The following RXFP1 variants were observed in gnomAD, a reference collection of about 807,000 sequenced individuals.
RXFP1 encodes relaxin family peptide receptor 1.
Under a neutral mutation model 89.8 loss-of-function variants are expected in RXFP1, and 73 were observed. The ratio of observed to expected loss-of-function variants is 0.81; its 90% CI spans 0.67 to 0.99. The LOEUF (loss-of-function observed/expected upper bound fraction) is 0.99, where lower values mean the gene tolerates loss of function less well. Ranked by LOEUF, RXFP1 falls within the 50% of genes least tolerant of loss-of-function variation. The pLI, the probability that RXFP1 is intolerant of heterozygous loss-of-function variation, is 0.00. For missense variants in RXFP1, 793 were observed against 895.5 expected, an observed-to-expected ratio of 0.89 and a Z score of 1.46; for synonymous variants, 277 against 305.5, an observed-to-expected ratio of 0.91 and a Z score of 0.97.
intron 2 of RXFP1, among the ~76,000 whole-genome samples, chr4:158,592,861 C>A (rs530076230): frequency 6.6e-6 from 1 of 151,508 alleles, no homozygotes; most frequent in Non-Finnish European, 1.5e-5. Flanking sequence ...GGGGCCGAGG[C>A]GGACAGATTT....
chr4:158,539,474 G>A (rs1180947560), intron 1 of RXFP1, among the ~76,000 whole-genome samples: 1 of 151,082 alleles, frequency 6.6e-6, no homozygotes, highest in African/African-American at 2.5e-5. Flanking sequence ...AAAACTTAAA[G>A]TATAATAATA....
chr4:158,601,720 G>A (rs897072375), intron 4 of RXFP1, among the ~76,000 whole-genome samples: 3 of 152,078 alleles, frequency 2.0e-5, no homozygotes, highest in Non-Finnish European at 4.4e-5. Flanking sequence ...ACTATTACAG[G>A]GAAATGTCAG....
At chr4:158,629,381 C>A (rs1767578885) in intron 11 of RXFP1, among the ~76,000 whole-genome samples, 1 of 152,118 alleles carries the variant, frequency 6.6e-6, no homozygotes. Context: ...GGAAATTAGA[C>A]ACTACTGTGG....
intron 9 of RXFP1, among the ~76,000 whole-genome samples, chr4:158,622,642 T>C (rs1273196692): frequency 1.3e-5 from 2 of 152,202 alleles, no homozygotes; most frequent in East Asian, 3.8e-4. Flanking sequence ...GTAATCTCAT[T>C]TATACGTGGA....
intron 6 of RXFP1, among the ~76,000 whole-genome samples, chr4:158,609,942 G>A (rs1763254694): frequency 6.6e-6 from 1 of 152,154 alleles, no homozygotes; most frequent in African/African-American, 2.4e-5. Context: ...TCTTTTCATA[G>A]CTTTTCTATA....
chr4:158,600,289 A>T (rs1226180377), intron 4 of RXFP1, among the ~76,000 whole-genome samples: 1 of 152,194 alleles, frequency 6.6e-6, no homozygotes, highest in African/African-American at 2.4e-5. Context: ...ACAGCAATTG[A>T]AATACTTGGT....
intron 2 of RXFP1, among the ~76,000 whole-genome samples, chr4:158,577,237 C>T (rs974791872): frequency 4.6e-5 from 7 of 152,102 alleles, no homozygotes; most frequent in Non-Finnish European, 7.4e-5. Flanking sequence ...TGGGGTTTCA[C>T]CATGTTAGCC....
intron 1 of RXFP1, among the ~76,000 whole-genome samples, chr4:158,527,404 G>A (rs1376765944): frequency 7.9e-5 from 12 of 151,320 alleles, no homozygotes; most frequent in Admixed American, 1.3e-4. Context: ...TTAGCCGGGC[G>A]TGGTGGTGGG....
At chr4:158,619,408 T>C (rs1366939333) in intron 9 of RXFP1, among the ~76,000 whole-genome samples, 1 of 152,188 alleles carries the variant, frequency 6.6e-6, no homozygotes, top group Admixed American at 6.5e-5. Context: ...GGGACATACA[T>C]ACTATTTCAC....
chr4:158,583,091 CTT>C (rs1757683549), intron 2 of RXFP1, among the ~76,000 whole-genome samples: 1 of 152,306 alleles, frequency 6.6e-6, no homozygotes, highest in East Asian at 1.9e-4. Flanking sequence ...AGAAGGAAAA[CTT>C]TGTTAATGCC....
At chr4:158,543,196 C>G (rs199746170) in intron 1 of RXFP1, among the ~76,000 whole-genome samples, 2 of 152,146 alleles carry the variant, frequency 1.3e-5, no homozygotes, top group East Asian at 3.9e-4. Context: ...CCCTGAGGCT[C>G]CTAGGTTCTT....
At chr4:158,585,042 T>C (rs1350691932) in intron 2 of RXFP1, among the ~76,000 whole-genome samples, 2 of 152,214 alleles carry the variant, frequency 1.3e-5, no homozygotes, top group African/African-American at 2.4e-5. Context: ...AAGAATTTGC[T>C]TTTCTTTCAA....
chr4:158,589,595 A>G (rs1173541350), intron 2 of RXFP1, among the ~76,000 whole-genome samples: 2 of 152,148 alleles, frequency 1.3e-5, no homozygotes, highest in Admixed American at 1.3e-4. Context: ...CTTCAAACAA[A>G]CTACAACTAA....
intron 16 of RXFP1, among the ~76,000 whole-genome samples, chr4:158,648,160 C>T (rs1056592885): frequency 3.9e-5 from 6 of 151,958 alleles, no homozygotes; most frequent in African/African-American, 1.5e-4. Context: ...AGTGACAGAG[C>T]AAGAACCCAT....
At chr4:158,598,295 G>A (rs1452280550) in intron 3 of RXFP1, among the ~76,000 whole-genome samples, 1 of 152,158 alleles carries the variant, frequency 6.6e-6, no homozygotes, top group Non-Finnish European at 1.5e-5. Flanking sequence ...CTTCTTTGAG[G>A]AAGTTGGTAG....
chr4:158,637,471 A>AT (rs1178864370), intron 12 of RXFP1, among the ~76,000 whole-genome samples: 2 of 152,134 alleles, frequency 1.3e-5, no homozygotes, highest in Admixed American at 1.3e-4. Flanking sequence ...TTCAGTTTGC[A>AT]TTTCTCTGAT....
intron 2 of RXFP1, among the ~76,000 whole-genome samples, chr4:158,584,055 C>G (rs1757848114): frequency 6.6e-6 from 1 of 152,166 alleles, no homozygotes; most frequent in African/African-American, 2.4e-5. Context: ...GGGTAATAAC[C>G]TCATTTTACT....
intron 17 of RXFP1, among the ~76,000 whole-genome samples, chr4:158,649,100 CAA>C (rs11295815): frequency 1.9e-4 from 28 of 149,418 alleles, no homozygotes; most frequent in South Asian, 1.5e-3. Context: ...GTGACAGAGC[CAA>C]AAAAAAAAAA....
Position 158,605,062 on chromosome 4 carries a change from T to C in RXFP1, c.393-6T>C, listed in dbSNP as rs1217375931. 3 of 1,519,406 alleles carry C rather than the reference T, an allele frequency of 2.0e-6. No homozygotes were observed. The South Asian group carries it at 3.7e-5, about 19-fold the overall frequency. 94.1% of individuals were successfully genotyped at this position (1,519,406 alleles called of 1,614,324 possible). A position where few individuals can be genotyped will look rare whatever the true frequency, so the allele number is the denominator to read the frequency against. ...CTTTAAGAATCAAAATTTACATTTA[T>C]TTCAGGTCACTTCAGTGGAACTTAA... On this transcript the variant is annotated splice_polypyrimidine_tract_variant and splice_region_variant and intron_variant, in intron 4 of 17. Transcript: ENST00000307765.
Sources: gnomAD v4.1 joint callset for allele counts (sites outside exome capture counted in the v4.1 genomes callset) on GRCh38, gnomAD v4.1.1 for gene constraint, MANE v1.5 for transcripts, NCBI Gene and HGNC (gene_info 2026-07-23, HGNC 2026-07-21) for gene names.